KAT2B: variants seen among roughly 807,000 people sequenced by gnomAD.
KAT2B encodes the protein lysine acetyltransferase 2B, also known as histone acetyltransferase KAT2B.
A neutral mutation model predicts 105.9 loss-of-function variants in KAT2B; 36 were observed. That is an observed-to-expected ratio of 0.34 (90% confidence interval 0.26 to 0.45). The LOEUF (loss-of-function observed/expected upper bound fraction) is 0.45. Among genes scored for constraint, KAT2B ranks in the 20% least tolerant of loss-of-function variants. KAT2B has a pLI of 1.00. For synonymous variants in KAT2B, 397 were observed against 377.9 expected (o/e 1.05, Z -0.59); for missense variants, 820 against 1,021.6 (o/e 0.80, Z 2.69).
chr3:20,076,307 G>A (rs531527040), intron 2 of KAT2B, among the ~76,000 whole-genome samples: 28 of 152,004 alleles, frequency 1.8e-4, no homozygotes, highest in Non-Finnish European at 3.7e-4. Context: ...CTCAGGGTAC[G>A]GGGGGTATAG....
intron 1 of KAT2B, among the ~76,000 whole-genome samples, chr3:20,071,422 A>G (rs1698319931): frequency 6.6e-6 from 1 of 152,268 alleles, no homozygotes; most frequent in African/African-American, 2.4e-5. Flanking sequence ...TAAGAATAGT[A>G]GAGAAGGGGC....
At chr3:20,073,342 CTGACCATTATAAGTGGG>C (rs1188468145) in intron 2 of KAT2B, among the ~76,000 whole-genome samples, 4 of 152,156 alleles carry the variant, frequency 2.6e-5, no homozygotes, top group Non-Finnish European at 4.4e-5. Context: ...CTCTTTCCAC[CTGACCATTATAAGTGGG>C]TGACTTCTTA....
At chr3:20,043,422 A>G (rs759146278) in intron 1 of KAT2B, among the ~76,000 whole-genome samples, 3 of 152,060 alleles carry the variant, frequency 2.0e-5, no homozygotes, top group Non-Finnish European at 4.4e-5. Context: ...GTTCAGAAAA[A>G]CTACTTTCTT....
chr3:20,136,132 C>G (rs1354743153), intron 11 of KAT2B, among the ~76,000 whole-genome samples: 5 of 152,122 alleles, frequency 3.3e-5, no homozygotes, highest in Non-Finnish European at 7.4e-5. Context: ...TATTTGAGTT[C>G]TTTAGAAAAA....
rs1553588265 is a variant in KAT2B, at chr3:20,092,236, T to TTTA, written c.431-3024_431-3022dup. On this transcript the variant is annotated intron_variant, in intron 2 of 17. Transcript: ENST00000263754. Reference sequence around the variant, plus strand: ...TTTCACATATTTATTTATTTATTTATTTATTTATTTGAGATGGAGTGTTGC... The same window carrying TTTA: ...TTTCACATATTTATTTATTTATTTATTTATTATTTATTTGAGATGGAGTGTTGC... 1.5e-4 allele frequency among the ~76,000 whole-genome samples: 16 copies of TTTA among 103,454 alleles called. 1 individual carries two copies. Among genetic ancestry groups the TTTA allele is most frequent in the South Asian group, 5.4e-4 (2 of 3,700 alleles). 67.9% of individuals were successfully genotyped at this position (103,454 alleles called of 152,430 possible).
At chr3:20,042,827 C>T (rs1697742878) in intron 1 of KAT2B, among the ~76,000 whole-genome samples, 1 of 152,084 alleles carries the variant, frequency 6.6e-6, no homozygotes, top group Non-Finnish European at 1.5e-5. Flanking sequence ...GATGTAGCAC[C>T]ACTTCCAAGT....
intron 1 of KAT2B, among the ~76,000 whole-genome samples, chr3:20,061,989 AATATATAAAACATATAATATATATT>A (rs1559513897): frequency 1.7e-5 from 1 of 57,554 alleles, no homozygotes; most frequent in Non-Finnish European, 2.9e-5. Context: ...TAAAACATAT[AATATATAAAACATATAATATATATT>A]ATATATAAAA....
intron 2 of KAT2B, among the ~76,000 whole-genome samples, chr3:20,075,925 T>A (rs76536306): frequency 0.26 from 35,071 of 134,032 alleles, 4,434 homozygotes; most frequent in South Asian, 0.47. Flanking sequence ...AAAAAAAAAA[T>A]TTTTTTCATA....
chr3:20,045,951 A>G (rs1395979766), intron 1 of KAT2B, among the ~76,000 whole-genome samples: 1 of 152,214 alleles, frequency 6.6e-6, no homozygotes, highest in Non-Finnish European at 1.5e-5. Flanking sequence ...GTCAAGTAAG[A>G]GCAACAGACT....
rs146901361 is a variant in KAT2B at position 20,129,524 on chromosome 3, T to C, written c.1749+1975T>C. On this transcript the variant is annotated intron_variant, in intron 11 of 17. Coordinates refer to ENST00000263754, the MANE Select transcript of KAT2B (RefSeq NM_003884.5). ...TGCGTAGCTGGGAACTATAGGCACA[T>C]GCCACCATGCCCGGCCAATTTTTGT... Among the ~76,000 whole-genome samples, 603 of 152,092 alleles carry C rather than the reference T, an allele frequency of 4.0e-3. 5 individuals are homozygous for C. Among genetic ancestry groups the C allele is most frequent in the African/African-American group, 0.013 (526 of 41,510 alleles).
intron 5 of KAT2B, among the ~76,000 whole-genome samples, chr3:20,107,443 A>C (rs1273471721): frequency 6.6e-6 from 1 of 151,550 alleles, no homozygotes; most frequent in Non-Finnish European, 1.5e-5. Flanking sequence ...GGATCACTTG[A>C]CGTCAGGAGT....
intron 2 of KAT2B, among the ~76,000 whole-genome samples, chr3:20,082,605 A>G (rs937692958): frequency 3.3e-5 from 5 of 152,154 alleles, no homozygotes; most frequent in African/African-American, 1.2e-4. Flanking sequence ...TGATGGAGGA[A>G]TGTTTTAAAT....
intron 1 of KAT2B, among the ~76,000 whole-genome samples, chr3:20,059,704 C>CAAAACA (rs1180216303): frequency 5.3e-5 from 8 of 151,922 alleles, no homozygotes; most frequent in East Asian, 1.9e-4. Flanking sequence ...GACTCCATCT[C>CAAAACA]AAAACAAAAA....
chr3:20,136,085 G>C (rs142783084), intron 11 of KAT2B, among the ~76,000 whole-genome samples: 90 of 152,274 alleles, frequency 5.9e-4, no homozygotes, highest in African/African-American at 2.0e-3. Context: ...TTCTGACCTT[G>C]AGGTACTGTG....
Position 20,153,899 on chromosome 3 carries a change from T to A in KAT2B, c.*1374T>A, listed in dbSNP as rs1053360127. On this transcript the variant is annotated 3_prime_UTR_variant, in exon 18 of 18. Coordinates refer to ENST00000263754, the MANE Select transcript of KAT2B (RefSeq NM_003884.5). The stretch of plus-strand genomic sequence containing the variant: ...CATTAAAAACAGTTGCCAGTGATAA[T>A]CTGCATGAAGGAAAAAGAACCCTGC... 6.6e-6 allele frequency: 1 copy of A among 152,380 alleles called. No homozygotes were observed. Among genetic ancestry groups the A allele is most frequent in the Non-Finnish European group, 1.5e-5 (1 of 68,014 alleles). The allele number at this position is 152,380 out of a possible 1,614,324, so 9.4% of individuals were successfully genotyped here. A position where few individuals can be genotyped will look rare whatever the true frequency, so the allele number is the denominator to read the frequency against.
chr3:20,048,851 C>A (rs908937420), intron 1 of KAT2B, among the ~76,000 whole-genome samples: 1 of 152,136 alleles, frequency 6.6e-6, no homozygotes, highest in African/African-American at 2.4e-5. Flanking sequence ...TCCCTCTATG[C>A]TGGGTGCCTT....
chr3:20,089,152 A>C (rs1698670730), intron 2 of KAT2B, among the ~76,000 whole-genome samples: 1 of 152,164 alleles, frequency 6.6e-6, no homozygotes, highest in Non-Finnish European at 1.5e-5. Context: ...TTTGAAATCA[A>C]GTGTAGTGTG....
At chr3:20,042,169 G>T (rs113018260) in intron 1 of KAT2B, among the ~76,000 whole-genome samples, 1 of 152,198 alleles carries the variant, frequency 6.6e-6, no homozygotes, top group African/African-American at 2.4e-5. Flanking sequence ...ACTCCCAAGT[G>T]ATGCTATGCT....
chr3:20,071,403 A>G (rs527807420), intron 1 of KAT2B, among the ~76,000 whole-genome samples: 2 of 152,362 alleles, frequency 1.3e-5, no homozygotes, highest in South Asian at 4.1e-4. Flanking sequence ...GGTGAGAGTG[A>G]CAGAGTGCTA....
Sources: allele counts gnomAD v4.1 joint callset (sites outside exome capture counted in the v4.1 genomes callset), GRCh38; gene constraint gnomAD v4.1.1; transcripts MANE v1.5; gene names NCBI Gene and HGNC (gene_info 2026-07-23, HGNC 2026-07-21).